Variants in C8orf58 observed in about 807,000 individuals in gnomAD.
The protein encoded by C8orf58 is uncharacterized protein C8orf58.
A neutral mutation model predicts 36.8 loss-of-function variants in C8orf58; 31 were observed. The observed-to-expected ratio is 0.84, with a 90% confidence interval of 0.63 to 1.14. The LOEUF (loss-of-function observed/expected upper bound fraction) is 1.14. Among genes scored for constraint, C8orf58 ranks in the 50% most tolerant of loss-of-function variants. The pLI is 0.00. For missense variants in C8orf58, 538 were observed against 480.8 expected (o/e 1.12, Z -1.11); for synonymous variants, 230 against 200.2 (o/e 1.15, Z -1.26).
chr8:22,603,628 G>T lies in C8orf58; in HGVS notation c.*322G>T. 1 of 431,490 alleles carries T rather than the reference G, an allele frequency of 2.3e-6. No individual in the cohort carries two copies. Among genetic ancestry groups the T allele is most frequent in the Non-Finnish European group, 4.4e-6 (1 of 229,726 alleles). 26.7% of individuals were successfully genotyped at this position (431,490 alleles called of 1,614,324 possible). On this transcript the variant is annotated 3_prime_UTR_variant, in exon 7 of 7. Transcript: ENST00000289989. Reference sequence around the variant, plus strand: ...GTGACCTGTCTGGGCCCAGCATGTTGCAGATGTGTATTTATGCGCAATGGT... The same window carrying T: ...GTGACCTGTCTGGGCCCAGCATGTTTCAGATGTGTATTTATGCGCAATGGT...
intron 1 of C8orf58, 89 bp downstream of exon 1, chr8:22,599,849 T>A: frequency 1.8e-6 from 1 of 562,114 alleles, no homozygotes. Context: ...CTCAGTTTCT[T>A]GCCCAGCCCC....
intron 2 of C8orf58, 58 bp from the exon 3 acceptor site, chr8:22,601,654 T>C: frequency 6.6e-7 from 1 of 1,526,558 alleles, no homozygotes; most frequent in Non-Finnish European, 8.8e-7. Flanking sequence ...CCTGGCTGCT[T>C]AGGGTAGGGC....
chr8:22,601,407 C>A, intron 2 of C8orf58, 50 bp downstream of exon 2: 1 of 1,399,234 alleles, frequency 7.1e-7, no homozygotes, highest in Non-Finnish European at 9.6e-7. Flanking sequence ...GACAGCCTAG[C>A]TCCTCTGGTT....
chr8:22,601,730 G>T lies in C8orf58; in HGVS notation c.535G>T (p.Gly179Ter). 6.2e-7 allele frequency: 1 copy of T among 1,610,696 alleles called. No homozygotes were observed. ...CCCACAGGTGGGGGGCCTGGGGCCT[G>T]GAGCCTGGGCCTGCCTCCCCGGGCA... ...EEEAVGGLGP[G>*]AWACLPGQGL... Residue 179 changes from glycine (G) to a stop codon, truncating the protein, a stop_gained, in exon 3 of 7, where the codon GGA becomes TGA. Coordinates refer to ENST00000289989, the MANE Select transcript of C8orf58 (RefSeq NM_001013842.3). LOFTEE classifies it high-confidence loss of function.
chr8:22,601,589 C>A, intron 2 of C8orf58, 123 bp from the exon 3 acceptor site: 1 of 1,242,304 alleles, frequency 8.0e-7, no homozygotes, highest in Non-Finnish European at 1.1e-6. Flanking sequence ...GGGAAGCCGG[C>A]TGCGTGTGTT....
intron 6 of C8orf58, 108 bp from the exon 7 acceptor site, chr8:22,603,087 G>T: frequency 2.5e-6 from 2 of 802,736 alleles, no homozygotes; most frequent in South Asian, 3.0e-5. Flanking sequence ...CCCGGGCTGC[G>T]CCCACACCCA....
Position 22,601,100 on chromosome 8 carries a change from T to C in C8orf58, c.259T>C (p.Ser87Pro). 6.2e-7 allele frequency: 1 copy of C among 1,612,528 alleles called. No individual in the cohort carries two copies. ...CCCCCTGGCCGCCTTACCGGGCCTT[T>C]CTCAGGACTCCCTGGACTTTGAATC... is the stretch of plus-strand genomic sequence containing the variant. ...DSPLAALPGLSQDSLDFESSG... is the reference protein window; with the variant it reads ...DSPLAALPGLPQDSLDFESSG... Residue 87 changes from serine to proline, a missense_variant, in exon 2 of 7, where the codon TCT becomes CCT. Ser to Pro is a moderately conservative substitution (Grantham distance 74). Transcript: ENST00000289989.
chr8:22,599,733 C>A lies in C8orf58; in HGVS notation c.13C>A (p.Arg5=), dbSNP rs1800795962. The change falls in exon 1 of 7, where the codon CGG becomes AGG. Residue 5 remains arginine, a synonymous_variant. Coordinates refer to ENST00000289989, the MANE Select transcript of C8orf58 (RefSeq NM_001013842.3). ...CCGGGAGCGGGCCATGATGGGCCGG[C>A]GGCGCGCCTTCGCCGTGGACGGCCG... MMGR[R]RAFAVDGRDG... 1.6e-6 allele frequency: 2 copies of A among 1,218,444 alleles called. No homozygotes were observed. The highest frequency in any genetic ancestry group is 3.3e-5 in the East Asian group (1 of 30,512). 75.5% of individuals were successfully genotyped at this position (1,218,444 alleles called of 1,614,324 possible).
In C8orf58 at chr8:22,601,116, A is replaced by G. The variant is rs1033716854; in HGVS notation, c.275A>G (p.Asp92Gly). 3 of 1,612,074 alleles carry G rather than the reference A, an allele frequency of 1.9e-6. No homozygotes were observed. In the African/African-American group the frequency reaches 4.0e-5, roughly 22 times the overall value. The change falls in exon 2 of 7, where the codon GAC (aspartate) becomes GGC (glycine). Residue 92 changes from aspartate to glycine, a missense_variant. Transcript: ENST00000289989. ...CCGGGCCTTTCTCAGGACTCCCTGG[A>G]CTTTGAATCCTCAGGGAGTTCTGAG... is the stretch of plus-strand genomic sequence containing the variant. ...ALPGLSQDSL[D>G]FESSGSSEPP... is the part of the protein sequence containing the mutation.
chr8:22,601,566 C>T lies in C8orf58; in HGVS notation c.517-146C>T, dbSNP rs773613477. 73 of 1,112,068 alleles carry T rather than the reference C, an allele frequency of 6.6e-5. 1 individual carries two copies. The highest frequency in any genetic ancestry group is 2.2e-4 in the Admixed American group (9 of 40,050). 68.9% of individuals were successfully genotyped at this position (1,112,068 alleles called of 1,614,324 possible). A position where few individuals can be genotyped will look rare whatever the true frequency, so the allele number is the denominator to read the frequency against. ...CGGGGGCCCTTCCTGGCACTATGCC[C>T]CGCTGGGCAGTGGGGAAGCCGGCTG... On this transcript the variant is annotated intron_variant, in intron 2 of 6. Transcript: ENST00000289989.
In C8orf58 at chr8:22,604,068, GAAT is replaced by G. The variant is rs1454845627; in HGVS notation, c.*766_*768del. 1 of 155,188 alleles carries G rather than the reference GAAT, an allele frequency of 6.4e-6. No individual in the cohort carries two copies. Among genetic ancestry groups the G allele is most frequent in the Non-Finnish European group, 1.4e-5 (1 of 69,930 alleles). 9.6% of individuals were successfully genotyped at this position (155,188 alleles called of 1,614,324 possible). On this transcript the variant is annotated 3_prime_UTR_variant, in exon 7 of 7. Transcript: ENST00000289989. ...TTTCTGAGCCACAGCTTCCCGCTGG[GAAT>G]AATGATGCCTGCCCTATCTACCTCA...
Position 22,601,069 on chromosome 8 carries a change from G to C in C8orf58, c.228G>C (p.Gly76=). 1 of 1,612,790 alleles carries C rather than the reference G, an allele frequency of 6.2e-7. No homozygotes were observed. ...ACTCAGGAGTGGAGATGGCAGTTGGGGACAGCCCCCTGGCCGCCTTACCGG... is the reference window on the plus strand; with the variant it reads ...ACTCAGGAGTGGAGATGGCAGTTGGCGACAGCCCCCTGGCCGCCTTACCGG... The part of the protein sequence containing the change: ...SRDSGVEMAV[G]DSPLAALPGL... The change falls in exon 2 of 7, where the codon GGG becomes GGC. Residue 76 remains glycine, a synonymous_variant. Coordinates refer to ENST00000289989, the MANE Select transcript of C8orf58 (RefSeq NM_001013842.3).
At chr8:22,602,423 A>G (rs1011252697) in intron 5 of C8orf58, 111 bp downstream of exon 5, 13 of 1,321,902 alleles carry the variant, frequency 9.8e-6, no homozygotes, top group Non-Finnish European at 1.4e-5. Flanking sequence ...GACAGGATTG[A>G]TTCCTGTTTG....
In C8orf58 at chr8:22,602,551, C is replaced by A; in HGVS notation, c.894C>A (p.His298Gln). Residue 298 changes from histidine to glutamine, a missense_variant, in exon 6 of 7, where the codon CAC becomes CAA. Transcript: ENST00000289989. ...CCTCTGCTCAGCGGGATATCTCCCA[C>A]TGGGACAAGGTCAAGGTCCTGCTCA... ...SSQGHKRDIS[H>Q]WDKVKVLLNR... 2 of 1,609,096 alleles carry A rather than the reference C, an allele frequency of 1.2e-6. No homozygotes were observed. The highest frequency in any genetic ancestry group is 1.7e-5 in the Admixed American group (1 of 59,830).
At position 22,602,225 on chromosome 8, in the gene C8orf58, G is replaced by A; in HGVS notation, c.792G>A (p.Lys264=). 1 of 1,605,866 alleles carries A rather than the reference G, an allele frequency of 6.2e-7. No homozygotes were observed. Reference sequence around the variant, plus strand: ...GAGCAAAGGCTGCTTCACCCCCAAAGGTGGAGGTGCCCAGTGCCAACCCTC... The same window carrying A: ...GAGCAAAGGCTGCTTCACCCCCAAAAGTGGAGGTGCCCAGTGCCAACCCTC... ...HTGAKAASPP[K]VEVPSANPPR... The change falls in exon 5 of 7, where the codon AAG becomes AAA. Residue 264 remains lysine, a synonymous_variant. Transcript: ENST00000289989.
chr8:22,603,570 A>G lies in C8orf58; in HGVS notation c.*264A>G. On this transcript the variant is annotated 3_prime_UTR_variant, in exon 7 of 7. Coordinates refer to ENST00000289989, the MANE Select transcript of C8orf58 (RefSeq NM_001013842.3). ...GGGCTTCCACAATGTGAACTCACTC[A>G]TTGTCAGGTGTCCGTGGAGTGTTTT... The G allele has an allele frequency of 3.8e-6, 2 of 528,070 alleles. No homozygotes were observed. The highest frequency in any genetic ancestry group is 4.0e-5 in the South Asian group (2 of 49,970). 32.7% of individuals were successfully genotyped at this position (528,070 alleles called of 1,614,324 possible). A position where few individuals can be genotyped will look rare whatever the true frequency, so the allele number is the denominator to read the frequency against.
rs1258388113 is a variant in C8orf58, at chr8:22,603,087, G to A, written c.987-108G>A. On this transcript the variant is annotated intron_variant, in intron 6 of 6. Coordinates refer to ENST00000289989, the MANE Select transcript of C8orf58 (RefSeq NM_001013842.3). ...AAGTCATTTAACAGCCCCGGGCTGC[G>A]CCCACACCCAGCTACCCACCAGCAG... The A allele has an allele frequency of 3.2e-5, 26 of 802,620 alleles. No individual in the cohort carries two copies. The East Asian group carries it at 5.5e-4, about 17-fold the overall frequency. 49.7% of individuals were successfully genotyped at this position (802,620 alleles called of 1,614,324 possible). A position where few individuals can be genotyped will look rare whatever the true frequency, so the allele number is the denominator to read the frequency against.
intron 2 of C8orf58, 101 bp from the exon 3 acceptor site, chr8:22,601,611 C>T (rs1324956883): frequency 5.1e-6 from 7 of 1,371,310 alleles, no homozygotes; most frequent in Non-Finnish European, 6.0e-6. Flanking sequence ...CTCCTCGGGG[C>T]CCACTCTGCT....
intron 1 of C8orf58, 118 bp downstream of exon 1, chr8:22,599,878 G>T: frequency 2.3e-6 from 1 of 437,362 alleles, no homozygotes; most frequent in Non-Finnish European, 3.7e-6. Flanking sequence ...CGCGGGCGGA[G>T]CCCGCGCCGC....
Sources: gnomAD v4.1 joint callset for allele counts on GRCh38, gnomAD v4.1.1 for gene constraint, MANE v1.5 for transcripts, NCBI Gene and HGNC (gene_info 2026-07-23, HGNC 2026-07-21) for gene names.